The following VAPB variants were observed in gnomAD, a reference collection of about 807,000 sequenced individuals.
The protein encoded by VAPB is VAMP associated protein B and C.
In VAPB, 7 loss-of-function variants were observed where a neutral mutation model predicts 25.6. The observed-to-expected ratio is 0.27, with a 90% CI of 0.16 to 0.51. The LOEUF is 0.51. VAPB is among the 20% of genes least tolerant of loss of function. The pLI, the probability that VAPB is intolerant of heterozygous loss-of-function variation, is 0.97. For missense variants in VAPB, 266 were observed against 301.3 expected (o/e 0.88, Z 0.87); for synonymous variants, 112 against 109.2 (o/e 1.03, Z -0.16).
intron 3 of VAPB, among the ~76,000 whole-genome samples, chr20:58,437,482 A>G (rs900028300): frequency 1.3e-4 from 20 of 152,236 alleles, no homozygotes; most frequent in Non-Finnish European, 1.8e-4. Context: ...AGCTCTCTCC[A>G]CTGTCATAGC....
chr20:58,396,515 TC>T (rs1288474891), intron 1 of VAPB, among the ~76,000 whole-genome samples: 2 of 152,328 alleles, frequency 1.3e-5, no homozygotes, highest in African/African-American at 2.4e-5. Context: ...TTAAATTACT[TC>T]CTTGTGATGT....
At chr20:58,442,627 C>G (rs185700083) in intron 5 of VAPB, among the ~76,000 whole-genome samples, 2 of 152,330 alleles carry the variant, frequency 1.3e-5, no homozygotes, top group East Asian at 3.9e-4. Context: ...TTTATTCTGT[C>G]ATCTGGCCAA....
intron 1 of VAPB, among the ~76,000 whole-genome samples, chr20:58,407,450 A>T (rs1382072625): frequency 3.3e-5 from 5 of 152,210 alleles, no homozygotes; most frequent in Admixed American, 2.6e-4. Context: ...GATCTCACAT[A>T]AACTACAGGT....
intron 1 of VAPB, among the ~76,000 whole-genome samples, chr20:58,414,157 CGGCTGGCCGGGCGGGGGGCTG>C: frequency 7.8e-6 from 1 of 128,582 alleles, no homozygotes; most frequent in African/African-American, 2.9e-5. Flanking sequence ...CCGGACGGGG[CGGCTGGCCGGGCGGGGGGCTG>C]ACCCCCCACC....
rs76708676 is a variant in VAPB, at chr20:58,450,417, C to A, written c.*6182C>A. The A allele has an allele frequency of 1.8e-5, 8 of 453,786 alleles. No individual in the cohort carries two copies. The Admixed American group carries it at 1.9e-4, about 11-fold the overall frequency. The allele number at this position is 453,786 out of a possible 1,614,324, so 28.1% of individuals were successfully genotyped here. ...GGCGTGGCTTTTTATATTTTTCATT[C>A]GTGTGTAGCCTAAGTAAGGTGACTC... On this transcript the variant is annotated 3_prime_UTR_variant, in exon 6 of 6. Transcript: ENST00000475243.
chr20:58,443,971 A>G (rs1219738772), intron 5 of VAPB, 106 bp from the exon 6 acceptor site: 3 of 1,541,126 alleles, frequency 1.9e-6, no homozygotes, highest in Middle Eastern at 2.2e-4. Context: ...GGACCATATC[A>G]TGTCATCCAA....
At chr20:58,435,309 G>C (rs142266901) in intron 3 of VAPB, among the ~76,000 whole-genome samples, 49 of 152,112 alleles carry the variant, frequency 3.2e-4, no homozygotes, top group Non-Finnish European at 4.9e-4. Flanking sequence ...GAGTATAATG[G>C]ACATTCCCTC....
At chr20:58,407,059 A>T (rs185817153) in intron 1 of VAPB, among the ~76,000 whole-genome samples, 105 of 152,326 alleles carry the variant, frequency 6.9e-4, no homozygotes, top group Non-Finnish European at 1.1e-3. Flanking sequence ...CTGATGTAAA[A>T]TTCATCTGTG....
At position 58,448,520 on chromosome 20, in the gene VAPB, AG is replaced by A. The variant is rs1989352730; in HGVS notation, c.*4287del. On this transcript the variant is annotated 3_prime_UTR_variant, in exon 6 of 6. Coordinates refer to ENST00000475243, the MANE Select transcript of VAPB (RefSeq NM_004738.5). ...CATACGAAGAAATAAAGGCTCCAGG[AG>A]GTTAAATCGGGCAACTTTTTAGAAC... 2.2e-6 allele frequency: 1 copy of A among 453,900 alleles called. No individual in the cohort carries two copies. Among genetic ancestry groups the A allele is most frequent in the African/African-American group, 2.0e-5 (1 of 49,972 alleles). The allele number at this position is 453,900 out of a possible 1,614,324, so 28.1% of individuals were successfully genotyped here.
chr20:58,434,528 G>A, intron 2 of VAPB, 74 bp from the exon 3 acceptor site: 2 of 804,026 alleles, frequency 2.5e-6, no homozygotes, highest in Non-Finnish European at 4.4e-6. Flanking sequence ...TACAACCAAA[G>A]TACAAGTATT....
At chr20:58,406,840 A>G (rs750379756) in intron 1 of VAPB, among the ~76,000 whole-genome samples, 21 of 152,206 alleles carry the variant, frequency 1.4e-4, no homozygotes, top group Non-Finnish European at 2.2e-4. Context: ...TTTGTGTAAA[A>G]TGTGAATCAT....
At chr20:58,409,904 T>TAC (rs34649242) in intron 1 of VAPB, among the ~76,000 whole-genome samples, 13,713 of 148,112 alleles carry the variant, frequency 0.093, 766 homozygotes, top group East Asian at 0.26. Context: ...TTTATTCATA[T>TAC]ACACACACAC....
At chr20:58,394,281 T>C (rs1422217897) in intron 1 of VAPB, among the ~76,000 whole-genome samples, 2 of 152,248 alleles carry the variant, frequency 1.3e-5, no homozygotes, top group Non-Finnish European at 2.9e-5. Flanking sequence ...TTAGACTCTT[T>C]AGTTCAGCCC....
chr20:58,441,156 T>C, intron 5 of VAPB, 73 bp downstream of exon 5: 1 of 1,503,720 alleles, frequency 6.7e-7, no homozygotes, highest in Non-Finnish European at 9.2e-7. Context: ...GGGAAGTTGA[T>C]GAGCCAGTGA....
At chr20:58,411,767 C>T (rs1988386635) in intron 1 of VAPB, among the ~76,000 whole-genome samples, 1 of 152,230 alleles carries the variant, frequency 6.6e-6, no homozygotes, top group Non-Finnish European at 1.5e-5. Context: ...GAAGCTCCGC[C>T]TCCCTGGTTC....
intron 2 of VAPB, among the ~76,000 whole-genome samples, chr20:58,421,300 C>T (rs994577268): frequency 6.6e-6 from 1 of 152,194 alleles, no homozygotes; most frequent in South Asian, 2.1e-4. Flanking sequence ...GTTCGTTGTT[C>T]TTCCACTAGC....
chr20:58,416,730 A>T, intron 1 of VAPB, among the ~76,000 whole-genome samples: 1 of 151,012 alleles, frequency 6.6e-6, no homozygotes, highest in African/African-American at 2.4e-5. Context: ...TGATTTCTTA[A>T]TTTGTATTAA....
In VAPB at chr20:58,389,513, C is replaced by A; in HGVS notation, c.54C>A (p.Phe18Leu). Residue 18 changes from phenylalanine (F) to leucine (L), a missense_variant, in exon 1 of 6, where the codon TTC (phenylalanine) becomes TTA (leucine). Phe to Leu is a conservative substitution (Grantham distance 22). Around this residue, in one of 3 missense-constraint regions of VAPB, gnomAD observed 32 missense variants for 23.5 expected, o/e 1.36. Coordinates refer to ENST00000475243, the MANE Select transcript of VAPB (RefSeq NM_004738.5). ...LSLEPQHELKFRGPFTDVVTT... is the reference protein window; with the variant it reads ...LSLEPQHELKLRGPFTDVVTT... ...TCGAGCCGCAGCACGAGCTCAAATT[C>A]CGAGGTAAGCCCCAGAGGCCGCCAC... 1 of 1,588,472 alleles carries A rather than the reference C, an allele frequency of 6.3e-7. No homozygotes were observed. Among genetic ancestry groups the A allele is most frequent in the Non-Finnish European group, 8.6e-7 (1 of 1,168,490 alleles).
At position 58,389,247 on chromosome 20, in the gene VAPB, G is replaced by A. The variant is rs1351206779; in HGVS notation, c.-213G>A. ...CGTGCGTGCGTGCCGTCAGCTCGCC[G>A]GGCACCGCGGCCTCGCCCTCGCCCT... On this transcript the variant is annotated 5_prime_UTR_variant, in exon 1 of 6. Transcript: ENST00000475243. 10 of 660,044 alleles carry A rather than the reference G, an allele frequency of 1.5e-5. No homozygotes were observed. The South Asian group carries it at 1.5e-4, about 10-fold the overall frequency. 40.9% of individuals were successfully genotyped at this position (660,044 alleles called of 1,614,324 possible). A position where few individuals can be genotyped will look rare whatever the true frequency, so the allele number is the denominator to read the frequency against.
Sources: gnomAD v4.1 joint callset for allele counts (sites outside exome capture counted in the v4.1 genomes callset) on GRCh38, gnomAD v4.1.1 for gene constraint, gnomAD v4.1.1 regional missense constraint, MANE v1.5 for transcripts, NCBI Gene and HGNC (gene_info 2026-07-23, HGNC 2026-07-21) for gene names.